SCUBE1: variants seen among roughly 807,000 people sequenced by gnomAD.
The protein encoded by SCUBE1 is signal peptide, CUB domain and EGF like domain containing 1, also known as signal peptide, CUB and EGF-like domain-containing protein 1.
SCUBE1 carries 59 observed loss-of-function variants against 124.4 expected under a neutral mutation model. That is an observed-to-expected ratio of 0.47 (90% CI 0.38 to 0.59). The LOEUF is 0.59. Ranked by LOEUF, SCUBE1 falls within the 20% of genes least tolerant of loss-of-function variation. SCUBE1 has a pLI of 0.00. For missense variants in SCUBE1, 1,150 were observed against 1,371.2 expected, an observed-to-expected ratio of 0.84 and a Z score of 2.55; for synonymous variants, 545 against 550.9, an observed-to-expected ratio of 0.99 and a Z score of 0.15.
chr22:43,331,422 G>A (rs1202390563), intron 2 of SCUBE1, among the ~76,000 whole-genome samples: 2 of 152,138 alleles, frequency 1.3e-5, no homozygotes, highest in Non-Finnish European at 1.5e-5. Flanking sequence ...GAAAAGGCCC[G>A]AGTTGGAACT....
chr22:43,281,538 A>ACCCTCCT (rs1569011058), intron 4 of SCUBE1, among the ~76,000 whole-genome samples: 12 of 34,286 alleles, frequency 3.5e-4, no homozygotes, highest in Admixed American at 1.8e-3. Flanking sequence ...CACCTCCCTC[A>ACCCTCCT]GTCACCCTCC....
chr22:43,228,977 G>T, intron 9 of SCUBE1, 95 bp downstream of exon 9: 1 of 885,060 alleles, frequency 1.1e-6, no homozygotes, highest in Non-Finnish European at 1.8e-6. Context: ...CCCCAGGGTT[G>T]AGGGCAGGGT....
intron 4 of SCUBE1, among the ~76,000 whole-genome samples, chr22:43,280,442 CCCCTGTCCCTTCCCCTCACCCA>C (rs1569009358): frequency 1.4e-4 from 17 of 122,164 alleles, no homozygotes; most frequent in Non-Finnish European, 2.8e-4. Flanking sequence ...CTCACCCATC[CCCCTGTCCCTTCCCCTCACCCA>C]TCCTCCCGTC....
intron 10 of SCUBE1, among the ~76,000 whole-genome samples, chr22:43,225,329 C>G (rs1346882536): frequency 6.6e-6 from 1 of 152,102 alleles, no homozygotes; most frequent in Non-Finnish European, 1.5e-5. Context: ...GGAAATTTTC[C>G]TAAACTCCAG....
intron 4 of SCUBE1, among the ~76,000 whole-genome samples, chr22:43,266,682 T>C (rs758043395): frequency 2.5e-4 from 38 of 152,290 alleles, no homozygotes; most frequent in Non-Finnish European, 4.6e-4. Flanking sequence ...GCTACACCTG[T>C]GGGACCCAGA....
At chr22:43,319,862 C>A in intron 3 of SCUBE1, 75 bp downstream of exon 3, 1 of 1,560,898 alleles carries the variant, frequency 6.4e-7, no homozygotes. Flanking sequence ...CTTCTCATGG[C>A]TCCCAACTCT....
At chr22:43,311,586 AT>A (rs551808480) in intron 3 of SCUBE1, among the ~76,000 whole-genome samples, 108 of 143,272 alleles carry the variant, frequency 7.5e-4, no homozygotes, top group Admixed American at 8.3e-4. Flanking sequence ...AAATCTGGCT[AT>A]TTTTTTTTTT....
At chr22:43,309,149 C>A (rs1210655103) in intron 3 of SCUBE1, among the ~76,000 whole-genome samples, 3 of 152,036 alleles carry the variant, frequency 2.0e-5, no homozygotes, top group Non-Finnish European at 4.4e-5. Context: ...CCAGGTATAT[C>A]CATTTTCCCT....
intron 3 of SCUBE1, among the ~76,000 whole-genome samples, chr22:43,292,006 A>G (rs1410857990): frequency 2.6e-5 from 4 of 152,088 alleles, no homozygotes; most frequent in Non-Finnish European, 5.9e-5. Flanking sequence ...CACTCTAGGA[A>G]GACACAGCAG....
Position 43,211,103 on chromosome 22 carries a change from A to T in SCUBE1, c.2222-20T>A, listed in dbSNP as rs769001298. The T allele has an allele frequency of 1.9e-6, 3 of 1,598,162 alleles. No individual in the cohort carries two copies. In the South Asian group the frequency reaches 3.4e-5, roughly 18 times the overall value. On this transcript the variant is annotated intron_variant, in intron 17 of 21. Transcript: ENST00000360835. The surrounding 1 kb of genome is among the most constrained non-coding windows in gnomAD (Gnocchi z 4.5). ...AGTGCACTGCCGGGGGACACAAGGCAGTGTGGTGGGTGTGGAGGGGTGCAG... is the reference window on the plus strand; with the variant it reads ...AGTGCACTGCCGGGGGACACAAGGCTGTGTGGTGGGTGTGGAGGGGTGCAG...
At position 43,218,310 on chromosome 22, in the gene SCUBE1, C is replaced by A. The variant is rs9620123; in HGVS notation, c.1836G>T (p.Ala612=). The A allele has an allele frequency of 6.2e-7, 1 of 1,613,240 alleles. No homozygotes were observed. Among genetic ancestry groups the A allele is most frequent in the Non-Finnish European group, 8.5e-7 (1 of 1,180,026 alleles). ...EYEVAQRPAK[A]LEGQGACGAG... is the part of the protein sequence containing the mutation. ...CGCCACATGCCCCCTGCCCCTCCAG[C>A]GCCTTGGCTGGCCTCTGGGCTACCT... Residue 612 remains alanine, a synonymous_variant, in exon 15 of 22, where the codon GCG becomes GCT. Coordinates refer to ENST00000360835, the MANE Select transcript of SCUBE1 (RefSeq NM_173050.5).
chr22:43,332,009 G>T (rs150827960), intron 2 of SCUBE1, among the ~76,000 whole-genome samples: 2 of 152,174 alleles, frequency 1.3e-5, no homozygotes, highest in African/African-American at 4.8e-5. Context: ...AAAAATGGCC[G>T]GGTGCGGTGG....
rs1053893690 is a variant in SCUBE1 at position 43,258,475 on chromosome 22, G to A, written c.611-140C>T. The A allele has an allele frequency of 1.8e-5, 12 of 678,730 alleles. No homozygotes were observed. The highest frequency in any genetic ancestry group is 2.9e-4 in the Middle Eastern group (1 of 3,460). 42.0% of individuals were successfully genotyped at this position (678,730 alleles called of 1,614,324 possible). On this transcript the variant is annotated intron_variant, in intron 5 of 21. Transcript: ENST00000360835. The surrounding 1 kb of genome is among the most constrained non-coding windows in gnomAD (Gnocchi z 5.0). Reference sequence around the variant, plus strand: ...AGTGGGTAGGGTCATGAGGCTCGCCGGGCAACGGGGGAGCATTTCCCTGCA... The same window carrying A: ...AGTGGGTAGGGTCATGAGGCTCGCCAGGCAACGGGGGAGCATTTCCCTGCA...
chr22:43,262,981 G>A (rs750584289), intron 4 of SCUBE1, 136 bp from the exon 5 acceptor site: 85 of 861,650 alleles, frequency 9.9e-5, no homozygotes, highest in Middle Eastern at 2.5e-4. Context: ...GCACACACAC[G>A]CACTTGCGCA....
chr22:43,271,714 AC>A (rs1414601300), intron 4 of SCUBE1, among the ~76,000 whole-genome samples: 1 of 151,380 alleles, frequency 6.6e-6, no homozygotes, highest in African/African-American at 2.4e-5. Flanking sequence ...CCCGGACTAG[AC>A]CCCCAGCTGG....
At chr22:43,213,742 A>G (rs138990) in intron 16 of SCUBE1, 104,789 of 182,782 alleles carry the variant, frequency 0.57, 31,382 homozygotes, top group Middle Eastern at 0.68. Context: ...TAAGCTGTCT[A>G]GTCCACCATA....
In SCUBE1 at chr22:43,333,874, G is replaced by A. The variant is rs867840928; in HGVS notation, c.220+5230C>T. Among the ~76,000 whole-genome samples the A allele has an allele frequency of 2.0e-5, 3 of 152,320 alleles. No individual in the cohort carries two copies. The East Asian group carries it at 5.8e-4, about 29-fold the overall frequency. On this transcript the variant is annotated intron_variant, in intron 2 of 21. Transcript: ENST00000360835. ...TCCCTATCTGGTAGGGTTCTTGAGAGGATTAAATGAGATCATGGACGTGGA... is the reference window on the plus strand; with the variant it reads ...TCCCTATCTGGTAGGGTTCTTGAGAAGATTAAATGAGATCATGGACGTGGA...
chr22:43,212,017 G>C (rs1245866685), intron 17 of SCUBE1, among the ~76,000 whole-genome samples: 1 of 152,080 alleles, frequency 6.6e-6, no homozygotes, highest in African/African-American at 2.4e-5. Flanking sequence ...GAGGGAAGAC[G>C]GGATGTAGAC....
chr22:43,207,607 T>A lies in SCUBE1; in HGVS notation c.2741A>T (p.Tyr914Phe), dbSNP rs1484947412. Residue 914 changes from tyrosine to phenylalanine, a missense_variant, in exon 21 of 22, where the codon TAC (tyrosine) becomes TTC (phenylalanine). By Grantham distance (22) the Tyr-to-Phe change is conservative (BLOSUM62 3). Coordinates refer to ENST00000360835, the MANE Select transcript of SCUBE1 (RefSeq NM_173050.5). ...QVPYVTYDEDYQQLIEDIVRD... is the reference protein window; with the variant it reads ...QVPYVTYDEDFQQLIEDIVRD... ...CACGATGTCCTCTATGAGTTGCTGG[T>A]AGTCCTCTGGGCAGCGGGTCAGCAG... The A allele has an allele frequency of 6.2e-7, 1 of 1,613,838 alleles. No homozygotes were observed. Among genetic ancestry groups the A allele is most frequent in the Non-Finnish European group, 8.5e-7 (1 of 1,179,760 alleles).
Sources: gnomAD v4.1 joint callset for allele counts (sites outside exome capture counted in the v4.1 genomes callset) on GRCh38, gnomAD v4.1.1 for gene constraint, Gnocchi (gnomAD v3.1) non-coding constraint, MANE v1.5 for transcripts, NCBI Gene and HGNC (gene_info 2026-07-23, HGNC 2026-07-21) for gene names.